Variants in CAMTA1 observed in about 807,000 individuals in gnomAD.
CAMTA1 encodes the protein calmodulin-binding transcription activator 1.
CAMTA1 carries 27 observed loss-of-function variants against 170.9 expected under a neutral mutation model. The ratio of observed to expected loss-of-function variants is 0.16; its 90% CI spans 0.12 to 0.22. The LOEUF is 0.22. CAMTA1 is among the 10% of genes least tolerant of loss of function. The pLI is 1.00. For missense variants in CAMTA1, 1,619 were observed against 2,217.2 expected, an observed-to-expected ratio of 0.73 and a Z score of 5.42; for synonymous variants, 833 against 891.5, an observed-to-expected ratio of 0.93 and a Z score of 1.17.
chr1:6,806,846 T>C (rs1644568603), intron 1 of CAMTA1: 1 of 398,612 alleles, frequency 2.5e-6, no homozygotes, highest in Non-Finnish European at 4.4e-6. Flanking sequence ...ATTTATATAA[T>C]TGTTATTATT....
At chr1:7,337,610 A>G (rs1051081064) in intron 5 of CAMTA1, among the ~76,000 whole-genome samples, 5 of 150,530 alleles carry the variant, frequency 3.3e-5, no homozygotes, top group African/African-American at 1.2e-4. Flanking sequence ...GCCTCATCCA[A>G]TCACAATGTG....
intron 6 of CAMTA1, among the ~76,000 whole-genome samples, chr1:7,520,396 G>C (rs2094349582): frequency 6.7e-6 from 1 of 149,320 alleles, no homozygotes; most frequent in Non-Finnish European, 1.5e-5. Flanking sequence ...CTGGGTTACG[G>C]CCCCTCTCCG....
At chr1:7,339,746 A>G (rs1162096061) in intron 5 of CAMTA1, among the ~76,000 whole-genome samples, 1 of 151,936 alleles carries the variant, frequency 6.6e-6, no homozygotes, top group Non-Finnish European at 1.5e-5. Flanking sequence ...ACAGGTGTGC[A>G]CCACCATGCC....
intron 11 of CAMTA1, among the ~76,000 whole-genome samples, chr1:7,695,430 T>G (rs1235259952): frequency 6.6e-6 from 1 of 152,178 alleles, no homozygotes; most frequent in Non-Finnish European, 1.5e-5. Context: ...GGTGCTCATT[T>G]TTATATTTGG....
intron 4 of CAMTA1, among the ~76,000 whole-genome samples, chr1:7,183,036 T>A (rs1411666043): frequency 6.6e-6 from 1 of 152,178 alleles, no homozygotes; most frequent in Non-Finnish European, 1.5e-5. Context: ...TATAAAGGAA[T>A]ACCTAAGGCT....
intron 3 of CAMTA1, among the ~76,000 whole-genome samples, chr1:6,872,276 CT>C (rs1263397612): frequency 3.9e-5 from 6 of 152,058 alleles, no homozygotes; most frequent in Non-Finnish European, 7.4e-5. Flanking sequence ...ACCCTTTCCT[CT>C]GCAGAGTAAC....
intron 4 of CAMTA1, among the ~76,000 whole-genome samples, chr1:7,219,073 A>G (rs1660258785): frequency 6.6e-6 from 1 of 152,196 alleles, no homozygotes. Flanking sequence ...TGTACCATAA[A>G]AGAATCTTGA....
intron 3 of CAMTA1, among the ~76,000 whole-genome samples, chr1:6,987,359 T>G (rs1695536811): frequency 6.6e-6 from 1 of 152,152 alleles, no homozygotes; most frequent in Non-Finnish European, 1.5e-5. Flanking sequence ...GAGACGGAGT[T>G]TCACCATGTT....
chr1:7,450,290 G>A (rs879636672), intron 5 of CAMTA1, among the ~76,000 whole-genome samples: 2 of 152,216 alleles, frequency 1.3e-5, no homozygotes, highest in Non-Finnish European at 2.9e-5. Context: ...AGCCAGTGAA[G>A]ACACTACCTT....
At chr1:7,531,893 G>C (rs777177261) in intron 6 of CAMTA1, among the ~76,000 whole-genome samples, 1 of 152,200 alleles carries the variant, frequency 6.6e-6, no homozygotes, top group Non-Finnish European at 1.5e-5. Context: ...CATCTGGGGC[G>C]GCCACAGAAC....
At chr1:7,432,009 C>T (rs2092182288) in intron 5 of CAMTA1, among the ~76,000 whole-genome samples, 1 of 152,214 alleles carries the variant, frequency 6.6e-6, no homozygotes, top group African/African-American at 2.4e-5. Context: ...CTGAGCCAGG[C>T]AGAGGCAACC....
chr1:6,833,872 C>A (rs1050367723), intron 3 of CAMTA1, among the ~76,000 whole-genome samples: 1 of 152,096 alleles, frequency 6.6e-6, no homozygotes, highest in African/African-American at 2.4e-5. Context: ...ACTTACAGCC[C>A]CTTGATAATA....
Position 7,663,504 on chromosome 1 carries a change from G to A in CAMTA1, c.957G>A (p.Lys319=), listed in dbSNP as rs908465457. The A allele has an allele frequency of 1.5e-5, 24 of 1,600,626 alleles. No individual in the cohort carries two copies. The highest frequency in any genetic ancestry group is 2.0e-5 in the Non-Finnish European group (23 of 1,169,678). ...SEGKHEHSHS[K]GSSREKRNGK... The stretch of plus-strand genomic sequence containing the variant: ...GCAAGCACGAGCACAGCCACAGCAA[G>A]GGCTCCAGCCGTGAGAAGAGGAACG... The change falls in exon 9 of 23, where the codon AAG becomes AAA. Residue 319 remains lysine (K), a synonymous_variant. Transcript: ENST00000303635.
chr1:7,194,478 T>C (rs963097849), intron 4 of CAMTA1, among the ~76,000 whole-genome samples: 1 of 152,222 alleles, frequency 6.6e-6, no homozygotes, highest in Non-Finnish European at 1.5e-5. Flanking sequence ...GGTCCTTTCA[T>C]TTCTCCAAAA....
rs535806952 is a variant in CAMTA1, at chr1:7,615,240, C to T, written c.511-25160C>T. ...GAACCCACAGTGCTGTGGTCCCCAT[C>T]CTAGCAGCAGCCTACAGGAGGCAAA... On this transcript the variant is annotated intron_variant, in intron 6 of 22. Coordinates refer to ENST00000303635, the MANE Select transcript of CAMTA1 (RefSeq NM_015215.4). 7.9e-5 allele frequency among the ~76,000 whole-genome samples: 12 copies of T among 152,336 alleles called. No homozygotes were observed. The South Asian group carries it at 2.3e-3, about 29-fold the overall frequency.
At chr1:7,676,059 C>G (rs183513658) in intron 10 of CAMTA1, among the ~76,000 whole-genome samples, 1 of 152,386 alleles carries the variant, frequency 6.6e-6, no homozygotes, top group East Asian at 1.9e-4. Flanking sequence ...TTCTCCAAGG[C>G]TGGCCCAAGG....
intron 5 of CAMTA1, among the ~76,000 whole-genome samples, chr1:7,352,170 G>A (rs1156299890): frequency 6.9e-6 from 1 of 145,282 alleles, no homozygotes; most frequent in Non-Finnish European, 1.5e-5. Context: ...GAGGAGAGAA[G>A]GAGGAAGTGG....
intron 5 of CAMTA1, among the ~76,000 whole-genome samples, chr1:7,322,943 TCCCTCCCCTC>T (rs58686011): frequency 9.0e-6 from 1 of 111,238 alleles, no homozygotes; most frequent in Non-Finnish European, 1.8e-5. Context: ...TCTCTTTCTT[TCCCTCCCCTC>T]CCCTCCCCTT....
At chr1:7,346,560 C>G (rs573357482) in intron 5 of CAMTA1, among the ~76,000 whole-genome samples, 3 of 152,190 alleles carry the variant, frequency 2.0e-5, no homozygotes, top group South Asian at 2.1e-4. Context: ...AGACTTCCCC[C>G]CTTAGGGATG....
Sources: gnomAD v4.1 joint callset for allele counts (sites outside exome capture counted in the v4.1 genomes callset) on GRCh38, gnomAD v4.1.1 for gene constraint, MANE v1.5 for transcripts, NCBI Gene and HGNC (gene_info 2026-07-23, HGNC 2026-07-21) for gene names.